KAZN: variants seen among roughly 807,000 people sequenced by gnomAD.
KAZN encodes kazrin.
Under a neutral mutation model 87.4 loss-of-function variants are expected in KAZN, and 40 were observed. The ratio of observed to expected loss-of-function variants is 0.46; its 90% CI spans 0.36 to 0.60. The LOEUF (loss-of-function observed/expected upper bound fraction) is 0.60, where lower values mean the gene tolerates loss of function less well. KAZN is among the 20% of genes least tolerant of loss of function. The pLI is 0.00. For synonymous variants in KAZN, 466 were observed against 458.3 expected, an observed-to-expected ratio of 1.02 and a Z score of -0.22; for missense variants, 898 against 1,073.9, an observed-to-expected ratio of 0.84 and a Z score of 2.29.
intron 1 of KAZN, among the ~76,000 whole-genome samples, chr1:14,639,254 TC>T (rs1394085080): frequency 1.2e-4 from 19 of 152,070 alleles, no homozygotes; most frequent in African/African-American, 4.3e-4. Flanking sequence ...CATTTGGACC[TC>T]CCATTTAAAC....
At chr1:14,374,482 T>C (rs912341716) in intron 2 of KAZN, among the ~76,000 whole-genome samples, 2 of 152,190 alleles carry the variant, frequency 1.3e-5, no homozygotes, top group African/African-American at 4.8e-5. Flanking sequence ...AAACCTCTCA[T>C]CTTGAATACT....
chr1:14,710,808 C>T (rs148021099), intron 1 of KAZN, among the ~76,000 whole-genome samples: 7 of 152,256 alleles, frequency 4.6e-5, no homozygotes, highest in South Asian at 2.1e-4. Flanking sequence ...TCTGGGACAG[C>T]GAGGTCTTGG....
At chr1:14,548,672 C>T (rs1673323474) in intron 2 of KAZN, among the ~76,000 whole-genome samples, 1 of 152,172 alleles carries the variant, frequency 6.6e-6, no homozygotes, top group Admixed American at 6.5e-5. Flanking sequence ...ACGTTGGCTG[C>T]AGTTCATTCA....
chr1:14,544,926 C>A (rs961482089), intron 2 of KAZN, among the ~76,000 whole-genome samples: 1 of 152,042 alleles, frequency 6.6e-6, no homozygotes, highest in Non-Finnish European at 1.5e-5. Flanking sequence ...ATTCAAAGTG[C>A]CCAGCCCTGT....
At chr1:15,070,446 C>G (rs891871775) in intron 8 of KAZN, among the ~76,000 whole-genome samples, 6 of 152,194 alleles carry the variant, frequency 3.9e-5, no homozygotes, top group African/African-American at 1.4e-4. Context: ...GCAGTCCAAC[C>G]CCTGGCTGTA....
chr1:15,104,117 G>T lies in KAZN; in HGVS notation c.1976G>T (p.Gly659Val). The change falls in exon 13 of 15, where the codon GGC becomes GTC. Residue 659 changes from glycine to valine, a missense_variant. By Grantham distance (109) the Gly-to-Val change is moderately radical. Coordinates refer to ENST00000376030, the MANE Select transcript of KAZN (RefSeq NM_201628.3). ...GCCGAGGCCATGGCCACTGCCCTGG[G>T]CATCCCCAGTGGGAAGCACATCCTC... is the stretch of plus-strand genomic sequence containing the variant. ...FNAEAMATAL[G>V]IPSGKHILRR... 1 of 1,610,844 alleles carries T rather than the reference G, an allele frequency of 6.2e-7. No individual in the cohort carries two copies. Among genetic ancestry groups the T allele is most frequent in the South Asian group, 1.1e-5 (1 of 90,070 alleles).
At chr1:13,955,419 C>G (rs1641508253) in intron 1 of KAZN, among the ~76,000 whole-genome samples, 1 of 151,684 alleles carries the variant, frequency 6.6e-6, no homozygotes, top group South Asian at 2.1e-4. Flanking sequence ...AAATAAATGT[C>G]CTTTAAATAA....
intron 2 of KAZN, among the ~76,000 whole-genome samples, chr1:15,016,180 G>A (rs955308464): frequency 2.6e-5 from 4 of 152,180 alleles, no homozygotes; most frequent in African/African-American, 9.7e-5. Context: ...ACAGGCCGAC[G>A]GACGCCAGGG....
At position 14,583,615 on chromosome 1, in the gene KAZN, T is replaced by C. The variant is rs116258047; in HGVS notation, c.250-15368T>C. Among the ~76,000 whole-genome samples, 1,402 of 152,216 alleles carry C rather than the reference T, an allele frequency of 9.2e-3. 25 individuals carry two copies. Among genetic ancestry groups the C allele is most frequent in the African/African-American group, 0.031 (1,297 of 41,530 alleles). On this transcript the variant is annotated intron_variant, in intron 2 of 16. Transcript: ENST00000636203. Reference sequence around the variant, plus strand: ...CAAGGCTGGTTCCTGGGTGGGAGCATAAGCTTGGGTGAGGCAGGCCCCTGC... The same window carrying C: ...CAAGGCTGGTTCCTGGGTGGGAGCACAAGCTTGGGTGAGGCAGGCCCCTGC...
In KAZN at chr1:15,066,753, G is replaced by C; in HGVS notation, c.1222+1000G>C. The C allele has an allele frequency of 1.0e-6, 1 of 985,328 alleles. No individual in the cohort carries two copies. Among genetic ancestry groups the C allele is most frequent in the Non-Finnish European group, 1.2e-6 (1 of 829,938 alleles). 61.0% of individuals were successfully genotyped at this position (985,328 alleles called of 1,614,324 possible). On this transcript the variant is annotated intron_variant, in intron 8 of 14. Coordinates refer to ENST00000376030, the MANE Select transcript of KAZN (RefSeq NM_201628.3). This position sits in a 1 kb window ranked among gnomAD's most constrained non-coding sequence, Gnocchi z 4.3. ...CAACTGTGCAAAGTAGTTTAGGGTGGCCAGAACCCAGGGACCATTGGATTT... is the reference window on the plus strand; with the variant it reads ...CAACTGTGCAAAGTAGTTTAGGGTGCCCAGAACCCAGGGACCATTGGATTT...
chr1:15,110,073 GTGTATGTGTGTATA>G (rs1557806170), intron 13 of KAZN, among the ~76,000 whole-genome samples: 1 of 150,904 alleles, frequency 6.6e-6, no homozygotes, highest in Admixed American at 6.6e-5. Context: ...GTGCCTGTGT[GTGTATGTGTGTATA>G]TGTATGTGTG....
intron 1 of KAZN, among the ~76,000 whole-genome samples, chr1:13,899,493 G>C (rs1639164780): frequency 6.6e-6 from 1 of 152,144 alleles, no homozygotes; most frequent in Admixed American, 6.5e-5. Flanking sequence ...GCCAGCAAAT[G>C]ACTGTTTGTT....
intron 2 of KAZN, among the ~76,000 whole-genome samples, chr1:14,235,261 A>T (rs1208075561): frequency 2.0e-5 from 3 of 152,256 alleles, no homozygotes; most frequent in Non-Finnish European, 4.4e-5. Context: ...AAAATGTGAT[A>T]TAACCACACA....
At chr1:14,793,332 A>T (rs1645737347) in intron 1 of KAZN, among the ~76,000 whole-genome samples, 1 of 118,094 alleles carries the variant, frequency 8.5e-6, no homozygotes, top group Non-Finnish European at 2.0e-5. Context: ...AGGCTCCTTT[A>T]AGATGTTTTT....
intron 2 of KAZN, among the ~76,000 whole-genome samples, chr1:14,205,884 C>CAA (rs70997121): frequency 0.012 from 419 of 35,178 alleles, 85 homozygotes; most frequent in Non-Finnish European, 0.015. Context: ...GACACTGTCT[C>CAA]AAAAAAAAAA....
chr1:14,182,299 T>C (rs1343595668), intron 2 of KAZN, among the ~76,000 whole-genome samples: 2 of 152,180 alleles, frequency 1.3e-5, no homozygotes, highest in Non-Finnish European at 2.9e-5. Context: ...ATCTTCTTCC[T>C]CTTTCCTGAA....
chr1:14,270,816 T>G (rs1314066270), intron 2 of KAZN, among the ~76,000 whole-genome samples: 1 of 152,162 alleles, frequency 6.6e-6, no homozygotes, highest in Non-Finnish European at 1.5e-5. Flanking sequence ...TATACTTCGA[T>G]CTTCCCTTCA....
At chr1:15,001,976 GTTCACGCCA>G (rs1668532631) in intron 2 of KAZN, among the ~76,000 whole-genome samples, 1 of 145,310 alleles carries the variant, frequency 6.9e-6, no homozygotes, top group Non-Finnish European at 1.5e-5. Flanking sequence ...CGCCTCCTGG[GTTCACGCCA>G]TTCTCCTGCC....
intron 1 of KAZN, among the ~76,000 whole-genome samples, chr1:14,660,193 C>T (rs963811782): frequency 2.0e-5 from 3 of 152,236 alleles, no homozygotes; most frequent in African/African-American, 2.4e-5. Context: ...TGCCCGTGCC[C>T]GAACACAGAT....
Sources: allele counts gnomAD v4.1 joint callset (sites outside exome capture counted in the v4.1 genomes callset), GRCh38; gene constraint gnomAD v4.1.1; non-coding constraint Gnocchi (gnomAD v3.1); transcripts MANE v1.5; gene names NCBI Gene and HGNC (gene_info 2026-07-23, HGNC 2026-07-21).